Variants in ANK3 observed in about 807,000 individuals in gnomAD.
ANK3 encodes ankyrin-3.
ANK3 carries 57 observed loss-of-function variants against 370.9 expected under a neutral mutation model. The observed-to-expected ratio is 0.15, with a 90% CI of 0.12 to 0.19. The LOEUF (loss-of-function observed/expected upper bound fraction) is 0.19. Ranked by LOEUF, ANK3 falls within the 10% of genes least tolerant of loss-of-function variation. The pLI is 1.00. For synonymous variants in ANK3, 1,929 were observed against 1,946.3 expected (o/e 0.99, Z 0.23); for missense variants, 4,439 against 5,302.1 (o/e 0.84, Z 5.06).
At chr10:60,521,618 G>T (rs1399157721) in intron 2 of ANK3, among the ~76,000 whole-genome samples, 2 of 152,086 alleles carry the variant, frequency 1.3e-5, no homozygotes, top group East Asian at 3.9e-4. Flanking sequence ...GACAGTAGCT[G>T]CAACATTGGA....
chr10:60,169,072 T>C (rs933051526), intron 21 of ANK3, among the ~76,000 whole-genome samples: 12 of 152,222 alleles, frequency 7.9e-5, no homozygotes, highest in African/African-American at 2.9e-4. Context: ...GTAATGGGAC[T>C]GCTGGGTCAA....
intron 1 of ANK3, among the ~76,000 whole-genome samples, chr10:60,311,007 G>A (rs1328735576): frequency 6.6e-6 from 1 of 152,168 alleles, no homozygotes; most frequent in East Asian, 1.9e-4. Flanking sequence ...TCAGGCAAAG[G>A]ATGAAGGGGG....
At chr10:60,422,178 T>TC (rs1383873070) in intron 2 of ANK3, among the ~76,000 whole-genome samples, 1 of 152,028 alleles carries the variant, frequency 6.6e-6, no homozygotes, top group Non-Finnish European at 1.5e-5. Flanking sequence ...CCAAAGTCTT[T>TC]CCCCAAAGTT....
At chr10:60,601,516 T>G (rs931845849) in intron 2 of ANK3, among the ~76,000 whole-genome samples, 7 of 151,846 alleles carry the variant, frequency 4.6e-5, no homozygotes, top group Non-Finnish European at 7.4e-5. Context: ...AACCTCAAAT[T>G]GAGGGGTATT....
intron 7 of ANK3, among the ~76,000 whole-genome samples, chr10:60,248,566 A>AT (rs796424352): frequency 2.0e-5 from 3 of 152,350 alleles, no homozygotes; most frequent in African/African-American, 7.2e-5. Flanking sequence ...CCAAGAAACT[A>AT]TTTGTTTGAC....
In ANK3 at chr10:60,147,879, G is replaced by T. The variant is rs576820888; in HGVS notation, c.2615-8792C>A. 2.0e-3 allele frequency among the ~76,000 whole-genome samples: 306 copies of T among 152,294 alleles called. 2 individuals are homozygous for T. Among genetic ancestry groups the T allele is most frequent in the African/African-American group, 6.4e-3 (267 of 41,544 alleles). On this transcript the variant is annotated intron_variant, in intron 23 of 43. Transcript: ENST00000280772. Reference sequence around the variant, plus strand: ...TTCCTTATAAATTACCCAGTTTCAGGTATTTCTTTATAGCAGTGTGAGAAT... The same window carrying T: ...TTCCTTATAAATTACCCAGTTTCAGTTATTTCTTTATAGCAGTGTGAGAAT...
At chr10:60,209,352 G>A (rs2132445673) in intron 9 of ANK3, among the ~76,000 whole-genome samples, 1 of 152,282 alleles carries the variant, frequency 6.6e-6, no homozygotes, top group Admixed American at 6.5e-5. Flanking sequence ...TATTTGCTCT[G>A]AATTTATCAA....
At chr10:60,553,665 C>G (rs954178938) in intron 2 of ANK3, among the ~76,000 whole-genome samples, 10 of 152,004 alleles carry the variant, frequency 6.6e-5, no homozygotes, top group Non-Finnish European at 1.3e-4. Context: ...GAGGCATTGC[C>G]TGGGGCAGGG....
At chr10:60,490,863 TA>T (rs1157779307) in intron 2 of ANK3, among the ~76,000 whole-genome samples, 2 of 152,186 alleles carry the variant, frequency 1.3e-5, no homozygotes, top group East Asian at 3.9e-4. Flanking sequence ...TAAACTTATG[TA>T]AAAATCACCC....
chr10:60,499,585 T>C (rs1190712597), intron 2 of ANK3, among the ~76,000 whole-genome samples: 1 of 152,164 alleles, frequency 6.6e-6, no homozygotes, highest in Non-Finnish European at 1.5e-5. Flanking sequence ...AAACACCACA[T>C]TCATAAGGGA....
rs143018490 is a variant in ANK3 at position 60,311,362 on chromosome 10, A to T, written c.115-31723T>A. On this transcript the variant is annotated intron_variant, in intron 1 of 43. Transcript: ENST00000280772. ...CAAACCTTCTGAATATTCCCAAGTC[A>T]AACCACTGAAATGTAACCCTACTTT... Among the ~76,000 whole-genome samples the T allele has an allele frequency of 1.8e-3, 270 of 152,296 alleles. 2 individuals are homozygous for T. The highest frequency in any genetic ancestry group is 6.2e-3 in the African/African-American group (259 of 41,558).
chr10:60,616,234 G>T (rs950584032), intron 1 of ANK3, among the ~76,000 whole-genome samples: 2 of 152,024 alleles, frequency 1.3e-5, no homozygotes, highest in Non-Finnish European at 2.9e-5. Context: ...CTTTATTCCT[G>T]GTGTCTCAGC....
chr10:60,255,115 T>A (rs1167461047), intron 7 of ANK3, among the ~76,000 whole-genome samples: 3 of 152,198 alleles, frequency 2.0e-5, no homozygotes, highest in Non-Finnish European at 4.4e-5. Flanking sequence ...GTAAAATGCC[T>A]AATAAAGAAG....
chr10:60,379,507 C>T (rs2061271587), intron 1 of ANK3, among the ~76,000 whole-genome samples: 1 of 151,992 alleles, frequency 6.6e-6, no homozygotes, highest in African/African-American at 2.4e-5. Flanking sequence ...AAAATGTGTA[C>T]ATATACACAA....
In ANK3 at chr10:60,071,942, C is replaced by T. The variant is rs1374070544; in HGVS notation, c.8939G>A (p.Cys2980Tyr). The T allele has an allele frequency of 5.0e-6, 8 of 1,613,936 alleles. No homozygotes were observed. Among genetic ancestry groups the T allele is most frequent in the Admixed American group, 3.3e-5 (2 of 59,986 alleles). Residue 2980 changes from cysteine (C) to tyrosine (Y), a missense_variant, in exon 37 of 44, where the codon TGT (cysteine) becomes TAT (tyrosine). Physicochemically the swap from Cys to Tyr is radical, Grantham distance 194. This residue lies in a region of ANK3 where 1,601 missense variants were observed against 1,731.7 expected (regional missense o/e 0.92). Transcript: ENST00000280772. The stretch of plus-strand genomic sequence containing the variant: ...ATGTTTTGGAAATGCCGACTGTTCA[C>T]AAAAACCATCGGGAATATTAGAAGA... ...MLSSNIPDGF[C>Y]EQSAFPKHEL...
At chr10:60,464,475 G>A (rs1171729035) in intron 2 of ANK3, among the ~76,000 whole-genome samples, 1 of 151,356 alleles carries the variant, frequency 6.6e-6, no homozygotes, top group African/African-American at 2.4e-5. Context: ...TCTGTGGACA[G>A]GGAGATAGGC....
chr10:60,382,424 CT>C, intron 1 of ANK3, among the ~76,000 whole-genome samples: 1 of 152,274 alleles, frequency 6.6e-6, no homozygotes, highest in East Asian at 1.9e-4. Flanking sequence ...TCACCCATGA[CT>C]GAGAAATCAT....
At chr10:60,437,676 A>T (rs969497828) in intron 2 of ANK3, among the ~76,000 whole-genome samples, 21 of 152,220 alleles carry the variant, frequency 1.4e-4, no homozygotes, top group African/African-American at 5.1e-4. Context: ...GGTAGAAAGG[A>T]TTCCTACAGT....
intron 1 of ANK3, among the ~76,000 whole-genome samples, chr10:60,336,072 A>AT (rs1237657492): frequency 6.6e-6 from 1 of 150,704 alleles, no homozygotes; most frequent in Non-Finnish European, 1.5e-5. Context: ...TATTGAGAGG[A>AT]TTTTTAACAT....
Sources: allele counts gnomAD v4.1 joint callset (sites outside exome capture counted in the v4.1 genomes callset), GRCh38; gene constraint gnomAD v4.1.1; regional missense constraint gnomAD v4.1.1; transcripts MANE v1.5; gene names NCBI Gene and HGNC (gene_info 2026-07-23, HGNC 2026-07-21).